The following CADPS2 variants were observed in gnomAD, a reference collection of about 807,000 sequenced individuals.
CADPS2 encodes calcium dependent secretion activator 2.
In CADPS2, 93 loss-of-function variants were observed where a neutral mutation model predicts 172.5. The observed-to-expected ratio is 0.54, with a 90% CI of 0.46 to 0.64. CADPS2 has a LOEUF of 0.64. Among genes scored for constraint, CADPS2 ranks in the 30% least tolerant of loss-of-function variants. The pLI, the probability that CADPS2 is intolerant of heterozygous loss-of-function variation, is 0.00. For missense variants in CADPS2, 1,420 were observed against 1,565.9 expected (o/e 0.91, Z 1.57); for synonymous variants, 546 against 555.2 (o/e 0.98, Z 0.23).
At chr7:122,606,442 G>A (rs536734438) in intron 6 of CADPS2, among the ~76,000 whole-genome samples, 2 of 152,146 alleles carry the variant, frequency 1.3e-5, no homozygotes, top group South Asian at 2.1e-4. Flanking sequence ...GAAAAACATC[G>A]TCCCAGTTAG....
At chr7:122,505,168 A>C (rs2059519098) in intron 9 of CADPS2, among the ~76,000 whole-genome samples, 1 of 152,138 alleles carries the variant, frequency 6.6e-6, no homozygotes. Context: ...GATGTGTGTA[A>C]CCCACCCAAA....
At position 122,490,210 on chromosome 7, in the gene CADPS2, C is replaced by T. The variant is rs751722011; in HGVS notation, c.1723G>A (p.Glu575Lys). ...TGAACCCATAATATTCTGTCCTGTTCATCATCACTGGCAAAGATTACAGTA... is the reference window on the plus strand; with the variant it reads ...TGAACCCATAATATTCTGTCCTGTTTATCATCACTGGCAAAGATTACAGTA... ...GDTVIFASDD[E>K]QDRILWVQAM... is the part of the protein sequence containing the mutation. The change falls in exon 11 of 30, where the codon GAA becomes AAA. Residue 575 changes from glutamate (E) to lysine (K), a missense_variant. Coordinates refer to ENST00000449022, the MANE Select transcript of CADPS2 (RefSeq NM_017954.11). 1.2e-6 allele frequency: 2 copies of T among 1,613,218 alleles called. No homozygotes were observed. The highest frequency in any genetic ancestry group is 1.3e-5 in the African/African-American group (1 of 74,868).
chr7:122,617,627 A>T (rs909209861), intron 5 of CADPS2, among the ~76,000 whole-genome samples: 1 of 152,230 alleles, frequency 6.6e-6, no homozygotes, highest in Non-Finnish European at 1.5e-5. Flanking sequence ...ACATTTAAGC[A>T]TGTGTAGTTT....
intron 4 of CADPS2, among the ~76,000 whole-genome samples, chr7:122,624,197 T>A (rs977170838): frequency 1.6e-4 from 25 of 152,206 alleles, no homozygotes; most frequent in African/African-American, 5.5e-4. Context: ...CAGACAAATG[T>A]ACATTTTAAA....
At chr7:122,481,922 C>T (rs2057347928) in intron 11 of CADPS2, among the ~76,000 whole-genome samples, 2 of 152,036 alleles carry the variant, frequency 1.3e-5, no homozygotes, top group Non-Finnish European at 2.9e-5. Flanking sequence ...TGGGAGGCTA[C>T]TTGGGAGGCT....
At chr7:122,814,308 T>A (rs752009441) in intron 1 of CADPS2, among the ~76,000 whole-genome samples, 12 of 151,958 alleles carry the variant, frequency 7.9e-5, no homozygotes, top group Non-Finnish European at 2.9e-5. Context: ...TGACATGATA[T>A]CTTCTTAACT....
At chr7:122,595,556 G>C (rs553089225) in intron 6 of CADPS2, among the ~76,000 whole-genome samples, 1 of 152,162 alleles carries the variant, frequency 6.6e-6, no homozygotes, top group South Asian at 2.1e-4. Flanking sequence ...TACTCCAAAG[G>C]TAAGAGAGTC....
intron 5 of CADPS2, among the ~76,000 whole-genome samples, chr7:122,619,608 C>G (rs1326969784): frequency 6.6e-6 from 1 of 152,022 alleles, no homozygotes; most frequent in Non-Finnish European, 1.5e-5. Context: ...GTTTGGGCAA[C>G]AGAGAGAGAC....
Position 122,705,509 on chromosome 7 carries a change from ATC to A in CADPS2, c.453+31444_453+31445del, listed in dbSNP as rs1276409212. On this transcript the variant is annotated intron_variant, in intron 2 of 29. Transcript: ENST00000449022. The stretch of plus-strand genomic sequence containing the variant: ...TTATATATTATCTATATTATATATT[ATC>A]TATATTTATATTGTGTATTATCTAT... 3.5e-4 allele frequency among the ~76,000 whole-genome samples: 38 copies of A among 109,860 alleles called. 2 individuals carry two copies. Among genetic ancestry groups the A allele is most frequent in the African/African-American group, 1.3e-3 (37 of 29,222 alleles). The allele number at this position is 109,860 out of a possible 152,430, so 72.1% of individuals were successfully genotyped here.
chr7:122,320,180 T>G lies in CADPS2; in HGVS notation c.3876A>C (p.Glu1292Asp). ...LQGITMKDSD[E>D]EEEG Reference sequence around the variant, plus strand: ...CTGTGTGATATCAGCCTTCTTCTTCTTCGTCACTGTCTTTCATAGTAATGC... The same window carrying G: ...CTGTGTGATATCAGCCTTCTTCTTCGTCGTCACTGTCTTTCATAGTAATGC... The change falls in exon 30 of 30, where the codon GAA becomes GAC. Residue 1292 changes from glutamate (E) to aspartate (D), a missense_variant. Glu to Asp is a conservative substitution (Grantham distance 45). Transcript: ENST00000449022. The G allele has an allele frequency of 6.2e-7, 1 of 1,603,146 alleles. No homozygotes were observed. Among genetic ancestry groups the G allele is most frequent in the East Asian group, 2.2e-5 (1 of 44,578 alleles).
Position 122,665,743 on chromosome 7 carries a change from A to G in CADPS2, c.454-2174T>C, listed in dbSNP as rs551604059. On this transcript the variant is annotated intron_variant, in intron 2 of 29. Coordinates refer to ENST00000449022, the MANE Select transcript of CADPS2 (RefSeq NM_017954.11). ...TGTACCATTGTAAAGTTGAAAAATC[A>G]TAAGCAGAACTGTCATGAGTCAGGG... is the stretch of plus-strand genomic sequence containing the variant. 2.6e-5 allele frequency among the ~76,000 whole-genome samples: 4 copies of G among 152,330 alleles called. No homozygotes were observed. The East Asian group carries it at 7.7e-4, about 29-fold the overall frequency.
intron 22 of CADPS2, among the ~76,000 whole-genome samples, chr7:122,391,251 A>T (rs1460006981): frequency 6.6e-6 from 1 of 152,060 alleles, no homozygotes; most frequent in African/African-American, 2.4e-5. Flanking sequence ...ACACATTTTT[A>T]AATTTCCCCA....
intron 3 of CADPS2, 147 bp from the exon 4 acceptor site, chr7:122,629,475 AATAC>A: frequency 4.3e-6 from 2 of 465,684 alleles, no homozygotes; most frequent in Non-Finnish European, 7.3e-6. Context: ...TTACAAAGAG[AATAC>A]AGGAGGTTGT....
chr7:122,527,613 A>AGTGTGT (rs1178150682), intron 8 of CADPS2, among the ~76,000 whole-genome samples: 4 of 101,936 alleles, frequency 3.9e-5, no homozygotes, highest in Non-Finnish European at 9.1e-5. Context: ...AGAGAGAGAG[A>AGTGTGT]GAGAGTGTGT....
chr7:122,367,461 C>T (rs1242864722), intron 25 of CADPS2, among the ~76,000 whole-genome samples: 1 of 151,092 alleles, frequency 6.6e-6, no homozygotes, highest in East Asian at 1.9e-4. Context: ...TGATGGAGGC[C>T]CTGTTCAGCA....
chr7:122,365,625 G>A (rs2040750773), intron 25 of CADPS2, among the ~76,000 whole-genome samples: 1 of 152,108 alleles, frequency 6.6e-6, no homozygotes, highest in Admixed American at 6.6e-5. Flanking sequence ...TTGCCTTTGT[G>A]CTGTCTGTTC....
chr7:122,505,363 T>TA, intron 9 of CADPS2, among the ~76,000 whole-genome samples: 1 of 152,218 alleles, frequency 6.6e-6, no homozygotes, highest in East Asian at 1.9e-4. Flanking sequence ...AATTATTTTT[T>TA]AAAAAATGCT....
intron 7 of CADPS2, among the ~76,000 whole-genome samples, chr7:122,574,659 G>C (rs995887087): frequency 9.9e-5 from 15 of 151,304 alleles, no homozygotes; most frequent in Non-Finnish European, 1.6e-4. Flanking sequence ...AAAACATATT[G>C]GTGCTGTGGG....
At chr7:122,571,655 G>T (rs1254593995) in intron 7 of CADPS2, among the ~76,000 whole-genome samples, 1 of 152,140 alleles carries the variant, frequency 6.6e-6, no homozygotes, top group Admixed American at 6.6e-5. Flanking sequence ...GAAAGAATTT[G>T]CATCTTATGT....
Sources: allele counts gnomAD v4.1 joint callset (sites outside exome capture counted in the v4.1 genomes callset), GRCh38; gene constraint gnomAD v4.1.1; transcripts MANE v1.5; gene names NCBI Gene and HGNC (gene_info 2026-07-23, HGNC 2026-07-21).